The following CSMD3 variants were observed in gnomAD, a reference collection of about 807,000 sequenced individuals.
The protein encoded by CSMD3 is CUB and sushi domain-containing protein 3.
CSMD3 carries 177 observed loss-of-function variants against 435.2 expected under a neutral mutation model. That is an observed-to-expected ratio of 0.41 (90% CI 0.36 to 0.46). The LOEUF (loss-of-function observed/expected upper bound fraction) is 0.46. Among genes scored for constraint, CSMD3 ranks in the 20% least tolerant of loss-of-function variants. The pLI is 0.34. For missense variants in CSMD3, 4,265 were observed against 4,504.6 expected (o/e 0.95, Z 1.52); for synonymous variants, 1,656 against 1,520.5 (o/e 1.09, Z -2.07).
chr8:113,402,473 C>T (rs1381241896), intron 1 of CSMD3, among the ~76,000 whole-genome samples: 2 of 151,268 alleles, frequency 1.3e-5, no homozygotes, highest in African/African-American at 2.4e-5. Flanking sequence ...CACAAAAATC[C>T]CCAAAGGGTA....
intron 56 of CSMD3, 66 bp from the exon 57 acceptor site, chr8:112,289,604 T>A (rs1485088287): frequency 1.9e-6 from 2 of 1,034,744 alleles, no homozygotes; most frequent in Non-Finnish European, 1.4e-6. Context: ...TATACCAGCA[T>A]GTTTATAGAA....
intron 22 of CSMD3, among the ~76,000 whole-genome samples, chr8:112,600,150 T>G (rs1035169693): frequency 6.6e-6 from 1 of 152,102 alleles, no homozygotes; most frequent in Non-Finnish European, 1.5e-5. Flanking sequence ...ATCTATGTGA[T>G]TTTTAAATAT....
At chr8:113,409,237 C>A (rs1014257898) in intron 1 of CSMD3, among the ~76,000 whole-genome samples, 4 of 151,832 alleles carry the variant, frequency 2.6e-5, no homozygotes, top group Non-Finnish European at 1.5e-5. Flanking sequence ...TGCATACCAG[C>A]ATGCCTGGCT....
At chr8:113,059,152 G>C (rs926658017) in intron 5 of CSMD3, among the ~76,000 whole-genome samples, 1 of 152,048 alleles carries the variant, frequency 6.6e-6, no homozygotes, top group Non-Finnish European at 1.5e-5. Context: ...CAGTAAAAAC[G>C]CATACAAATG....
At chr8:112,240,282 A>AT (rs914949936) in intron 66 of CSMD3, among the ~76,000 whole-genome samples, 16 of 151,914 alleles carry the variant, frequency 1.1e-4, no homozygotes, top group African/African-American at 3.6e-4. Context: ...TATATGAGCA[A>AT]TTTTTTTACA....
At chr8:113,250,149 G>T (rs935747040) in intron 3 of CSMD3, among the ~76,000 whole-genome samples, 2 of 152,046 alleles carry the variant, frequency 1.3e-5, no homozygotes, top group Non-Finnish European at 2.9e-5. Flanking sequence ...TAAGAGAATT[G>T]TAATTATAGG....
chr8:113,149,574 C>T (rs72685877), intron 4 of CSMD3, among the ~76,000 whole-genome samples: 14,630 of 151,934 alleles, frequency 0.096, 914 homozygotes, highest in Middle Eastern at 0.17. Context: ...AGAGAAATTA[C>T]TTAAAAATAA....
At chr8:113,376,637 T>C in intron 1 of CSMD3, 2 of 1,362,690 alleles carry the variant, frequency 1.5e-6, no homozygotes, top group Non-Finnish European at 2.1e-6. Context: ...CCACTCTCTC[T>C]TTCCAGACCT....
intron 14 of CSMD3, among the ~76,000 whole-genome samples, chr8:112,688,365 T>C (rs1338535416): frequency 6.6e-6 from 1 of 152,136 alleles, no homozygotes; most frequent in African/African-American, 2.4e-5. Flanking sequence ...TAACTTAAGA[T>C]GATACTTAAG....
At chr8:112,479,653 C>T (rs1819436511) in intron 31 of CSMD3, among the ~76,000 whole-genome samples, 1 of 152,192 alleles carries the variant, frequency 6.6e-6, no homozygotes, top group African/African-American at 2.4e-5. Flanking sequence ...GGCCACAGCT[C>T]TGTAAAGTGC....
chr8:113,357,804 C>T (rs2094242515), intron 1 of CSMD3, among the ~76,000 whole-genome samples: 1 of 152,128 alleles, frequency 6.6e-6, no homozygotes, highest in Non-Finnish European at 1.5e-5. Flanking sequence ...AGGTGTATAG[C>T]ACTTCCCCCT....
chr8:112,968,799 A>C (rs1270027956), intron 7 of CSMD3, among the ~76,000 whole-genome samples: 3 of 151,976 alleles, frequency 2.0e-5, no homozygotes, highest in Non-Finnish European at 4.4e-5. Flanking sequence ...TAAAACCCTG[A>C]TAATTGATTA....
intron 35 of CSMD3, among the ~76,000 whole-genome samples, chr8:112,402,353 A>T (rs867313401): frequency 3.3e-5 from 5 of 152,210 alleles, no homozygotes; most frequent in Non-Finnish European, 5.9e-5. Context: ...TTTCACGTTA[A>T]TTAGCACATT....
chr8:112,930,744 T>A (rs2083078506), intron 9 of CSMD3, among the ~76,000 whole-genome samples: 1 of 152,088 alleles, frequency 6.6e-6, no homozygotes, highest in Admixed American at 6.6e-5. Flanking sequence ...ACAAGGCACT[T>A]TGTGAATGAT....
chr8:112,555,975 C>G (rs1828080084), intron 25 of CSMD3, among the ~76,000 whole-genome samples: 1 of 151,738 alleles, frequency 6.6e-6, no homozygotes, highest in Non-Finnish European at 1.5e-5. Context: ...TAAATGCCAT[C>G]AAAAAAAGAA....
intron 9 of CSMD3, among the ~76,000 whole-genome samples, chr8:112,926,514 T>C (rs566141859): frequency 3.9e-5 from 6 of 152,318 alleles, no homozygotes; most frequent in Non-Finnish European, 5.9e-5. Context: ...TGATATTGTT[T>C]GAAAAACTAG....
chr8:113,374,561 A>G (rs1685212190), intron 1 of CSMD3, among the ~76,000 whole-genome samples: 1 of 152,110 alleles, frequency 6.6e-6, no homozygotes. Flanking sequence ...ACATTAAAAG[A>G]AGGCATATCA....
At position 112,954,698 on chromosome 8, in the gene CSMD3, T is replaced by C. The variant is rs1312076620; in HGVS notation, c.1406A>G (p.Asn469Ser). 6.9e-6 allele frequency: 11 copies of C among 1,600,058 alleles called. No homozygotes were observed. Among genetic ancestry groups the C allele is most frequent in the East Asian group, 2.2e-5 (1 of 44,596 alleles). The change falls in exon 8 of 71, where the codon AAC (asparagine) becomes AGC (serine). Residue 469 changes from asparagine to serine, a missense_variant. Asn to Ser is a conservative substitution (Grantham distance 46, BLOSUM62 1). Around this residue, in one of 3 missense-constraint regions of CSMD3, gnomAD observed 731 missense variants for 755.4 expected, o/e 0.97. Coordinates refer to ENST00000297405, the MANE Select transcript of CSMD3 (RefSeq NM_198123.2). ...AGTACACTCACAGATAGAAAACTTG[T>C]TGCTGTTGTCTTTCCCTGGAAACAA... ...FKLFPGKDNS[N>S]KFSILNEGGI...
At chr8:112,359,612 C>A (rs775767830) in intron 38 of CSMD3, among the ~76,000 whole-genome samples, 2 of 151,940 alleles carry the variant, frequency 1.3e-5, no homozygotes, top group Non-Finnish European at 2.9e-5. Context: ...TTAAATCATG[C>A]CAAACTGGAT....
Sources: allele counts gnomAD v4.1 joint callset (sites outside exome capture counted in the v4.1 genomes callset), GRCh38; gene constraint gnomAD v4.1.1; regional missense constraint gnomAD v4.1.1; transcripts MANE v1.5; gene names NCBI Gene and HGNC (gene_info 2026-07-23, HGNC 2026-07-21).